The following KCNQ5 variants were observed in gnomAD, a reference collection of about 807,000 sequenced individuals.
KCNQ5 encodes the protein potassium voltage-gated channel subfamily Q member 5.
A neutral mutation model predicts 98.2 loss-of-function variants in KCNQ5; 30 were observed. The observed-to-expected ratio is 0.31, with a 90% CI of 0.23 to 0.41. The LOEUF (loss-of-function observed/expected upper bound fraction) is 0.41, where lower values mean the gene tolerates loss of function less well. Ranked by LOEUF, KCNQ5 falls within the 10% of genes least tolerant of loss-of-function variation. The pLI is 1.00. For synonymous variants in KCNQ5, 458 were observed against 449.4 expected, an observed-to-expected ratio of 1.02 and a Z score of -0.24; for missense variants, 835 against 1,182.5, an observed-to-expected ratio of 0.71 and a Z score of 4.31.
intron 1 of KCNQ5, among the ~76,000 whole-genome samples, chr6:72,773,640 T>C (rs1005432171): frequency 6.6e-6 from 1 of 152,198 alleles, no homozygotes; most frequent in Non-Finnish European, 1.5e-5. Flanking sequence ...ATATAGATGC[T>C]ATTCACTTGT....
intron 9 of KCNQ5, among the ~76,000 whole-genome samples, chr6:73,131,904 A>G (rs1776255699): frequency 6.6e-6 from 1 of 152,186 alleles, no homozygotes; most frequent in African/African-American, 2.4e-5. Context: ...TGCTGGACTT[A>G]GCTGTGTCTG....
chr6:72,879,076 A>T (rs1487897940), intron 1 of KCNQ5, among the ~76,000 whole-genome samples: 2 of 152,166 alleles, frequency 1.3e-5, no homozygotes, highest in Admixed American at 6.5e-5. Flanking sequence ...TGCTGTAAAC[A>T]AATATCCTTA....
At chr6:72,670,172 A>G (rs1351907467) in intron 1 of KCNQ5, among the ~76,000 whole-genome samples, 1 of 152,174 alleles carries the variant, frequency 6.6e-6, no homozygotes, top group Non-Finnish European at 1.5e-5. Flanking sequence ...ACTTTCCTCT[A>G]AGTTTTAATC....
At chr6:73,030,919 G>T (rs892975557) in intron 2 of KCNQ5, among the ~76,000 whole-genome samples, 2 of 152,120 alleles carry the variant, frequency 1.3e-5, no homozygotes, top group African/African-American at 4.8e-5. Context: ...GCTTTTCGGG[G>T]TTCTACCCCT....
chr6:72,784,501 G>A (rs995104860), intron 1 of KCNQ5, among the ~76,000 whole-genome samples: 1 of 152,144 alleles, frequency 6.6e-6, no homozygotes, highest in South Asian at 2.1e-4. Context: ...TAGAAAATTA[G>A]ACTAACATTG....
At chr6:72,697,845 G>A (rs891523465) in intron 1 of KCNQ5, among the ~76,000 whole-genome samples, 16 of 152,106 alleles carry the variant, frequency 1.1e-4, no homozygotes, top group African/African-American at 3.9e-4. Flanking sequence ...TGTATACATA[G>A]ATCTAAATAT....
chr6:72,678,575 T>A (rs1350017636), intron 1 of KCNQ5: 1 of 152,224 alleles, frequency 6.6e-6, no homozygotes, highest in Non-Finnish European at 1.5e-5. Context: ...TCGTATTTTT[T>A]ATAAAAATTA....
At chr6:73,043,234 C>A in intron 3 of KCNQ5, 1 of 290,888 alleles carries the variant, frequency 3.4e-6, no homozygotes, top group Non-Finnish European at 7.8e-6. Flanking sequence ...TCAAAAGTCT[C>A]CACTTATTAA....
At chr6:72,787,120 G>A (rs1291153155) in intron 1 of KCNQ5, among the ~76,000 whole-genome samples, 1 of 151,692 alleles carries the variant, frequency 6.6e-6, no homozygotes, top group Non-Finnish European at 1.5e-5. Flanking sequence ...TGACCTGTGA[G>A]ACAAATGCAG....
chr6:73,124,537 T>C (rs1042524589), intron 9 of KCNQ5, 25 bp downstream of exon 9: 57 of 1,610,144 alleles, frequency 3.5e-5, no homozygotes, highest in Non-Finnish European at 4.8e-5. Flanking sequence ...TCTTGCTACA[T>C]GTTTGTTTAT....
At chr6:72,854,453 TTAA>T (rs1376870416) in intron 1 of KCNQ5, among the ~76,000 whole-genome samples, 1 of 151,904 alleles carries the variant, frequency 6.6e-6, no homozygotes, top group African/African-American at 2.4e-5. Context: ...CTTTTTACTA[TTAA>T]TATGTGTTCA....
intron 1 of KCNQ5, among the ~76,000 whole-genome samples, chr6:72,803,601 A>G (rs1774778776): frequency 6.6e-6 from 1 of 152,174 alleles, no homozygotes; most frequent in African/African-American, 2.4e-5. Flanking sequence ...AGGTTTGGCG[A>G]CATTGTATAA....
At chr6:72,931,789 G>C (rs994674464) in intron 1 of KCNQ5, among the ~76,000 whole-genome samples, 1 of 152,144 alleles carries the variant, frequency 6.6e-6, no homozygotes, top group Non-Finnish European at 1.5e-5. Flanking sequence ...CTCACACTTT[G>C]CCTCACACTT....
intron 5 of KCNQ5, among the ~76,000 whole-genome samples, chr6:73,091,085 A>G (rs909721467): frequency 6.6e-6 from 1 of 152,226 alleles, no homozygotes; most frequent in Non-Finnish European, 1.5e-5. Context: ...ATGCCCATCA[A>G]TGATAGACTG....
chr6:73,173,591 C>T (rs1169359412), intron 11 of KCNQ5, among the ~76,000 whole-genome samples: 1 of 152,090 alleles, frequency 6.6e-6, no homozygotes, highest in Non-Finnish European at 1.5e-5. Context: ...GCTTTGTAGT[C>T]ATTACATATA....
intron 1 of KCNQ5, among the ~76,000 whole-genome samples, chr6:72,832,882 G>A (rs1374979389): frequency 2.6e-5 from 4 of 152,054 alleles, no homozygotes; most frequent in Non-Finnish European, 5.9e-5. Flanking sequence ...ATCTCTTCTG[G>A]ATGTTCACAG....
chr6:73,187,535 A>G (rs1394205350), intron 11 of KCNQ5, among the ~76,000 whole-genome samples: 1 of 152,238 alleles, frequency 6.6e-6, no homozygotes, highest in African/African-American at 2.4e-5. Flanking sequence ...AAGCACTGGA[A>G]AAAAGGCAAT....
chr6:72,938,449 C>T (rs774280714), intron 1 of KCNQ5, among the ~76,000 whole-genome samples: 2 of 152,022 alleles, frequency 1.3e-5, no homozygotes, highest in African/African-American at 2.4e-5. Flanking sequence ...GCATGATCTC[C>T]GCCCACTGCA....
chr6:72,949,544 A>T (rs1766703289), intron 1 of KCNQ5, among the ~76,000 whole-genome samples: 1 of 152,226 alleles, frequency 6.6e-6, no homozygotes, highest in South Asian at 2.1e-4. Context: ...TAGTGCCAAT[A>T]TTATAAACTG....
Sources: allele counts gnomAD v4.1 joint callset (sites outside exome capture counted in the v4.1 genomes callset), GRCh38; gene constraint gnomAD v4.1.1; transcripts MANE v1.5; gene names NCBI Gene and HGNC (gene_info 2026-07-23, HGNC 2026-07-21).